Variants in IFTAP observed in about 807,000 individuals in gnomAD.
IFTAP encodes intraflagellar transport-associated protein.
In IFTAP, 19 loss-of-function variants were observed where a neutral mutation model predicts 19.4. The ratio of observed to expected loss-of-function variants is 0.98; its 90% CI spans 0.68 to 1.44. The LOEUF is 1.44. IFTAP is among the 40% of genes most tolerant of loss of function. The pLI, the probability that IFTAP is intolerant of heterozygous loss-of-function variation, is 0.00. For missense variants in IFTAP, 240 were observed against 253.6 expected (o/e 0.95, Z 0.36); for synonymous variants, 85 against 83.5 (o/e 1.02, Z -0.10).
At chr11:36,636,343 C>T (rs1852951155) in intron 4 of IFTAP, among the ~76,000 whole-genome samples, 1 of 152,148 alleles carries the variant, frequency 6.6e-6, no homozygotes, top group African/African-American at 2.4e-5. Context: ...AAGATGTGCT[C>T]TCCCCCTTAA....
intron 3 of IFTAP, 61 bp downstream of exon 3, chr11:36,633,499 C>A (rs1422306601): frequency 4.7e-6 from 6 of 1,283,238 alleles, no homozygotes; most frequent in African/African-American, 1.6e-5. Flanking sequence ...CTTCATGAAT[C>A]AAAAAAAAGA....
chr11:36,642,222 T>C (rs1313203931), intron 4 of IFTAP, among the ~76,000 whole-genome samples: 2 of 152,088 alleles, frequency 1.3e-5, no homozygotes, highest in Non-Finnish European at 2.9e-5. Context: ...GAGAATACTA[T>C]AAACACCTCT....
chr11:36,649,000 T>C (rs926854962), intron 5 of IFTAP, among the ~76,000 whole-genome samples: 5 of 152,264 alleles, frequency 3.3e-5, no homozygotes, highest in African/African-American at 1.2e-4. Context: ...CATGTATCAA[T>C]AGAGACTGTT....
chr11:36,650,937 T>G (rs1347872860), intron 5 of IFTAP, among the ~76,000 whole-genome samples: 3 of 152,240 alleles, frequency 2.0e-5, no homozygotes, highest in Admixed American at 1.3e-4. Flanking sequence ...TGCCGCATTT[T>G]CTTAATCCAG....
At chr11:36,612,723 G>C (rs554481914) in intron 2 of IFTAP, among the ~76,000 whole-genome samples, 3 of 152,078 alleles carry the variant, frequency 2.0e-5, no homozygotes, top group African/African-American at 7.2e-5. Context: ...CTGATTGACT[G>C]TTCTATTTAT....
chr11:36,652,721 C>A (rs903388911), intron 5 of IFTAP, among the ~76,000 whole-genome samples: 4 of 151,998 alleles, frequency 2.6e-5, no homozygotes, highest in Non-Finnish European at 5.9e-5. Context: ...TTTTGAGATA[C>A]ATCCCATCAA....
chr11:36,648,197 T>A, intron 5 of IFTAP, 42 bp downstream of exon 5: 1 of 1,587,604 alleles, frequency 6.3e-7, no homozygotes, highest in South Asian at 1.1e-5. Flanking sequence ...ACTGCCTTGA[T>A]TTTGTAATTC....
At chr11:36,622,657 A>AC (rs1852345986) in intron 2 of IFTAP, among the ~76,000 whole-genome samples, 1 of 152,056 alleles carries the variant, frequency 6.6e-6, no homozygotes, top group African/African-American at 2.4e-5. Context: ...TTGTGGTGAG[A>AC]ATCAGATGAA....
chr11:36,651,480 A>C (rs1046016530), intron 5 of IFTAP, among the ~76,000 whole-genome samples: 10 of 152,076 alleles, frequency 6.6e-5, no homozygotes, highest in African/African-American at 2.2e-4. Context: ...AGATTGCAAA[A>C]ATTTTCTCCC....
chr11:36,609,493 G>A (rs562126104), intron 1 of IFTAP, among the ~76,000 whole-genome samples: 6 of 152,144 alleles, frequency 3.9e-5, no homozygotes, highest in Admixed American at 6.5e-5. Flanking sequence ...TGATGCAAAG[G>A]CAAGTCAACT....
In IFTAP at chr11:36,659,253, A is replaced by G; in HGVS notation, c.*67A>G. The stretch of plus-strand genomic sequence containing the variant: ...GTTCTTATTCTAGCAACATTAGAAT[A>G]AAAGATAAACCTACTATAATTCCCT... On this transcript the variant is annotated 3_prime_UTR_variant, in exon 6 of 6. Transcript: ENST00000334307. 2 of 1,357,452 alleles carry G rather than the reference A, an allele frequency of 1.5e-6. No individual in the cohort carries two copies. The highest frequency in any genetic ancestry group is 1.8e-5 in the South Asian group (1 of 56,382). The allele number at this position is 1,357,452 out of a possible 1,614,324, so 84.1% of individuals were successfully genotyped here. A position where few individuals can be genotyped will look rare whatever the true frequency, so the allele number is the denominator to read the frequency against.
intron 2 of IFTAP, among the ~76,000 whole-genome samples, chr11:36,618,747 G>A (rs1852189513): frequency 6.6e-6 from 1 of 151,878 alleles, no homozygotes; most frequent in Non-Finnish European, 1.5e-5. Context: ...TATGTAATTG[G>A]GAACCATAGT....
chr11:36,618,087 G>A (rs1002366228), intron 2 of IFTAP, among the ~76,000 whole-genome samples: 2 of 151,940 alleles, frequency 1.3e-5, no homozygotes, highest in African/African-American at 4.8e-5. Flanking sequence ...TTACAGATGA[G>A]GAAACCAAGG....
intron 2 of IFTAP, among the ~76,000 whole-genome samples, chr11:36,627,835 A>T (rs950082154): frequency 1.3e-5 from 2 of 150,944 alleles, no homozygotes. Flanking sequence ...CATCACAGAG[A>T]TTGTTTAAAA....
At chr11:36,653,912 T>G (rs999266237) in intron 5 of IFTAP, among the ~76,000 whole-genome samples, 1 of 152,188 alleles carries the variant, frequency 6.6e-6, no homozygotes, top group Non-Finnish European at 1.5e-5. Flanking sequence ...TTTTCTGGTA[T>G]ACAGTAACAA....
rs542309010 is a variant in IFTAP, at chr11:36,631,716, A to G, written c.137-1568A>G. ...GAACATTTTTATAGTAGAGGCTAGT[A>G]AGGGGATGGAGTAGGATTCTCCAAC... On this transcript the variant is annotated intron_variant, in intron 2 of 5. Transcript: ENST00000334307. Among the ~76,000 whole-genome samples, 3 of 151,342 alleles carry G rather than the reference A, an allele frequency of 2.0e-5. No individual in the cohort carries two copies. In the East Asian group the frequency reaches 5.8e-4, roughly 29 times the overall value.
intron 4 of IFTAP, among the ~76,000 whole-genome samples, chr11:36,644,680 T>C (rs958811996): frequency 2.6e-5 from 4 of 151,972 alleles, no homozygotes; most frequent in African/African-American, 9.6e-5. Context: ...TAAAAAAGGA[T>C]GAGTTCATGT....
chr11:36,602,289 A>G (rs1851537413), intron 1 of IFTAP, among the ~76,000 whole-genome samples: 2 of 152,220 alleles, frequency 1.3e-5, no homozygotes, highest in African/African-American at 2.4e-5. Context: ...CAGTTGGTCT[A>G]CACCTGCTCC....
chr11:36,649,839 A>AT (rs1364786214), intron 5 of IFTAP, among the ~76,000 whole-genome samples: 1 of 152,108 alleles, frequency 6.6e-6, no homozygotes. Context: ...TCTAATTACT[A>AT]TTTTTTAGAG....
Sources: gnomAD v4.1 joint callset for allele counts (sites outside exome capture counted in the v4.1 genomes callset) on GRCh38, gnomAD v4.1.1 for gene constraint, MANE v1.5 for transcripts, NCBI Gene and HGNC (gene_info 2026-07-23, HGNC 2026-07-21) for gene names.